The following TSPO variants were observed in gnomAD, a reference collection of about 807,000 sequenced individuals.
The protein encoded by TSPO is benzodiazepine peripheral binding site.
In TSPO, 14 loss-of-function variants were observed where a neutral mutation model predicts 13.9. The observed-to-expected ratio is 1.01, with a 90% confidence interval of 0.67 to 1.58. TSPO has a LOEUF of 1.58. Among genes scored for constraint, TSPO ranks in the 40% most tolerant of loss-of-function variants. TSPO has a pLI of 0.00. For missense variants in TSPO, 232 were observed against 229.6 expected, an observed-to-expected ratio of 1.01 and a Z score of -0.07; for synonymous variants, 114 against 105.9, an observed-to-expected ratio of 1.08 and a Z score of -0.47.
intron 1 of TSPO, chr22:43,152,236 G>C (rs1006408630): frequency 6.6e-6 from 1 of 152,484 alleles, no homozygotes; most frequent in African/African-American, 2.4e-5. Flanking sequence ...AGAAGCGGGG[G>C]CTTCCTGCTG....
At chr22:43,153,299 C>T (rs1931146054) in intron 1 of TSPO, among the ~76,000 whole-genome samples, 1 of 148,294 alleles carries the variant, frequency 6.7e-6, no homozygotes, top group South Asian at 2.2e-4. Flanking sequence ...GCTGGGATTA[C>T]AGGCATGAGC....
intron 1 of TSPO, among the ~76,000 whole-genome samples, chr22:43,154,241 G>A (rs1263840648): frequency 1.3e-5 from 2 of 152,092 alleles, no homozygotes; most frequent in Non-Finnish European, 1.5e-5. Context: ...TGCTGGCTTC[G>A]TTGGAGAGAC....
In TSPO at chr22:43,163,050, G is replaced by A. The variant is rs79307767; in HGVS notation, c.*59G>A. The A allele has an allele frequency of 1.0e-3, 1,638 of 1,564,850 alleles. 28 individuals carry two copies. In the East Asian group the frequency reaches 0.036, roughly 34 times the overall value. On this transcript the variant is annotated 3_prime_UTR_variant, in exon 4 of 4. Coordinates refer to ENST00000337554, the MANE Select transcript of TSPO (RefSeq NM_000714.6). ...GCAGGTGCCATCACGCTTGTGATGT[G>A]GTGGCCGTCACGCTTTCATGACCAC...
At chr22:43,162,417 T>G (rs1931471222) in intron 3 of TSPO, among the ~76,000 whole-genome samples, 1 of 152,166 alleles carries the variant, frequency 6.6e-6, no homozygotes, top group African/African-American at 2.4e-5. Flanking sequence ...CCACTGCACC[T>G]GACAAATAGC....
intron 1 of TSPO, among the ~76,000 whole-genome samples, chr22:43,152,780 C>T (rs1477362200): frequency 1.3e-5 from 2 of 152,352 alleles, no homozygotes; most frequent in East Asian, 3.9e-4. Flanking sequence ...CAGGCTGATC[C>T]CAGCCTGCCT....
chr22:43,153,345 T>TGGA (rs1214567553), intron 1 of TSPO, among the ~76,000 whole-genome samples: 21 of 49,994 alleles, frequency 4.2e-4, no homozygotes, highest in South Asian at 1.0e-3. Flanking sequence ...TCTTTTTTTT[T>TGGA]TTTTTTTTTT....
intron 2 of TSPO, chr22:43,159,791 C>T (rs993941277): frequency 2.0e-5 from 4 of 202,792 alleles, no homozygotes; most frequent in Non-Finnish European, 3.0e-5. Flanking sequence ...GTGCCAGGCT[C>T]GTCTCATTCA....
At chr22:43,157,253 G>A (rs1041389891) in intron 1 of TSPO, among the ~76,000 whole-genome samples, 18 of 145,570 alleles carry the variant, frequency 1.2e-4, no homozygotes, top group Non-Finnish European at 2.3e-4. Flanking sequence ...CCATGAGCAC[G>A]TGTACCCTGG....
intron 1 of TSPO, among the ~76,000 whole-genome samples, chr22:43,156,269 G>C (rs1171558559): frequency 6.6e-6 from 1 of 152,190 alleles, no homozygotes; most frequent in Non-Finnish European, 1.5e-5. Context: ...CCTGGATGGT[G>C]GTCTCTAAGG....
chr22:43,154,658 T>C (rs976305888), intron 1 of TSPO, among the ~76,000 whole-genome samples: 15 of 152,042 alleles, frequency 9.9e-5, no homozygotes, highest in African/African-American at 3.4e-4. Flanking sequence ...GTTCCTGGCC[T>C]TCTGGGTCAC....
intron 1 of TSPO, among the ~76,000 whole-genome samples, chr22:43,158,018 T>C (rs1374079420): frequency 1.3e-5 from 2 of 152,122 alleles, no homozygotes; most frequent in Admixed American, 6.5e-5. Context: ...GGCACTGAGG[T>C]TGCTTCTGTG....
At position 43,152,789 on chromosome 22, in the gene TSPO, C is replaced by CTTCTCCACTGTGCCCCGAGG. The variant is rs1443751291; in HGVS notation, c.-30+1186_-30+1205dup. Among the ~76,000 whole-genome samples, 4 of 152,348 alleles carry CTTCTCCACTGTGCCCCGAGG rather than the reference C, an allele frequency of 2.6e-5. No homozygotes were observed. In the South Asian group the frequency reaches 6.2e-4, roughly 24 times the overall value. ...CCCGTGCAGGCTGATCCCAGCCTGC[C>CTTCTCCACTGTGCCCCGAGG]TTCTCCACTGTGCCCCGAGGACCAC... On this transcript the variant is annotated intron_variant, in intron 1 of 3. Coordinates refer to ENST00000337554, the MANE Select transcript of TSPO (RefSeq NM_000714.6).
intron 1 of TSPO, among the ~76,000 whole-genome samples, chr22:43,158,048 C>T (rs939862379): frequency 2.0e-5 from 3 of 152,108 alleles, no homozygotes; most frequent in Non-Finnish European, 4.4e-5. Context: ...CTCCATGGAT[C>T]CCAGGCCAGC....
chr22:43,160,302 G>C (rs1249126076), intron 2 of TSPO, among the ~76,000 whole-genome samples: 2 of 152,270 alleles, frequency 1.3e-5, no homozygotes, highest in Admixed American at 1.3e-4. Context: ...TGTGGCTCTG[G>C]ATAAGGCGAA....
chr22:43,159,230 G>A lies in TSPO; in HGVS notation c.-9G>A, dbSNP rs1048504922. The A allele has an allele frequency of 1.3e-6, 2 of 1,536,332 alleles. No individual in the cohort carries two copies. ...TTCAGAGCTCCCCTGAACAGCAGCT[G>A]CAGCAGCCATGGCCCCGCCCTGGGT... On this transcript the variant is annotated 5_prime_UTR_variant, in exon 2 of 4. Transcript: ENST00000337554.
intron 1 of TSPO, among the ~76,000 whole-genome samples, chr22:43,156,729 A>AT (rs968592515): frequency 2.0e-5 from 3 of 152,132 alleles, no homozygotes; most frequent in African/African-American, 7.2e-5. Context: ...GGGGGTTTCC[A>AT]TTTGTGGCAT....
At chr22:43,153,716 T>C (rs1931163895) in intron 1 of TSPO, among the ~76,000 whole-genome samples, 2 of 151,674 alleles carry the variant, frequency 1.3e-5, no homozygotes, top group African/African-American at 4.8e-5. Flanking sequence ...TTTAAAACGG[T>C]AGTCTTTTTT....
intron 3 of TSPO, among the ~76,000 whole-genome samples, 194 bp downstream of exon 3, chr22:43,161,384 A>G (rs73886413): frequency 0.076 from 11,491 of 152,152 alleles, 1,481 homozygotes; most frequent in African/African-American, 0.26. Flanking sequence ...AAGCTATTAA[A>G]GCAGAAGGGG....
Position 43,162,812 on chromosome 22 carries a change from G to T in TSPO, c.331G>T (p.Asp111Tyr). Residue 111 changes from aspartate (D) to tyrosine (Y), a missense_variant, in exon 4 of 4, where the codon GAT becomes TAT. By Grantham distance (160) the Asp-to-Tyr change is radical. Coordinates refer to ENST00000337554, the MANE Select transcript of TSPO (RefSeq NM_000714.6). ...GARQMGWALV[D>Y]LLLVSGAAAA... ...CCCCCAATCTCTGCAGGCCTTGGTG[G>T]ATCTCCTGCTGGTCAGTGGGGCGGC... 6.3e-7 allele frequency: 1 copy of T among 1,584,142 alleles called. No individual in the cohort carries two copies. The highest frequency in any genetic ancestry group is 8.6e-7 in the Non-Finnish European group (1 of 1,166,388).
Sources: gnomAD v4.1 joint callset for allele counts (sites outside exome capture counted in the v4.1 genomes callset) on GRCh38, gnomAD v4.1.1 for gene constraint, MANE v1.5 for transcripts, NCBI Gene and HGNC (gene_info 2026-07-23, HGNC 2026-07-21) for gene names.